Variants in CPPED1 observed in about 807,000 individuals in gnomAD.
CPPED1 encodes calcineurin like phosphoesterase domain containing 1.
In CPPED1, 28 loss-of-function variants were observed where a neutral mutation model predicts 28.0. The observed-to-expected ratio is 1.00, with a 90% CI of 0.74 to 1.37. The LOEUF (loss-of-function observed/expected upper bound fraction) is 1.37. Ranked by LOEUF, CPPED1 falls within the 40% of genes most tolerant of loss-of-function variation. The pLI is 0.00. For missense variants in CPPED1, 504 were observed against 416.5 expected (o/e 1.21, Z -1.83); for synonymous variants, 198 against 180.2 (o/e 1.10, Z -0.79).
rs1206243409 is a variant in CPPED1 at position 12,721,936 on chromosome 16, G to C, written c.290-16887C>G. Reference sequence around the variant, plus strand: ...GTCTAAATAACAGATTCTGTGAATAGACTTCAACTGTGTTATGAATCCATT... The same window carrying C: ...GTCTAAATAACAGATTCTGTGAATACACTTCAACTGTGTTATGAATCCATT... On this transcript the variant is annotated intron_variant, in intron 2 of 3. Coordinates refer to ENST00000381774, the MANE Select transcript of CPPED1 (RefSeq NM_018340.3). 3.3e-5 allele frequency among the ~76,000 whole-genome samples: 5 copies of C among 152,214 alleles called. No homozygotes were observed. In the East Asian group the frequency reaches 9.6e-4, roughly 29 times the overall value.
chr16:12,705,657 G>A (rs887479097), intron 2 of CPPED1, among the ~76,000 whole-genome samples: 2 of 152,164 alleles, frequency 1.3e-5, no homozygotes, highest in Admixed American at 1.3e-4. Context: ...ACTCGGCAGG[G>A]TGAGGCAGGA....
At chr16:12,717,668 T>A (rs2080114686) in intron 2 of CPPED1, among the ~76,000 whole-genome samples, 1 of 151,964 alleles carries the variant, frequency 6.6e-6, no homozygotes, top group Non-Finnish European at 1.5e-5. Context: ...TGAGACAGAG[T>A]CTCGCTCTGT....
intron 1 of CPPED1, among the ~76,000 whole-genome samples, chr16:12,786,261 T>G (rs1385631095): frequency 6.6e-6 from 1 of 152,108 alleles, no homozygotes; most frequent in Admixed American, 6.5e-5. Context: ...GGATCTGCAT[T>G]TTACTGAACC....
intron 2 of CPPED1, among the ~76,000 whole-genome samples, chr16:12,731,429 TG>T (rs2080196909): frequency 6.6e-6 from 1 of 151,420 alleles, no homozygotes; most frequent in Non-Finnish European, 1.5e-5. Context: ...CAGAGACTGC[TG>T]GGGCATGGGT....
chr16:12,702,211 C>T (rs2080024304), intron 3 of CPPED1, among the ~76,000 whole-genome samples: 1 of 151,914 alleles, frequency 6.6e-6, no homozygotes, highest in East Asian at 1.9e-4. Flanking sequence ...TATGATGCCA[C>T]CCTGTAGGGC....
At chr16:12,802,168 G>A (rs527446892) in intron 1 of CPPED1, among the ~76,000 whole-genome samples, 12 of 152,290 alleles carry the variant, frequency 7.9e-5, no homozygotes, top group African/African-American at 2.9e-4. Context: ...AAGGGAGAAA[G>A]GTTTGGAGAG....
rs1481131008 is a variant in CPPED1, at chr16:12,682,027, A to T, written c.716-16912T>A. ...TTAGTTATGCTCCTCCAACCCCCAG[A>T]CTCACTGCCGTTTATTACTTTTTTG... On this transcript the variant is annotated intron_variant, in intron 3 of 3. Transcript: ENST00000381774. This position sits in a 1 kb window ranked among gnomAD's most constrained non-coding sequence, Gnocchi z 6.1. Among the ~76,000 whole-genome samples the T allele has an allele frequency of 6.6e-6, 1 of 151,044 alleles. No homozygotes were observed. The highest frequency in any genetic ancestry group is 1.5e-5 in the Non-Finnish European group (1 of 67,746).
At chr16:12,707,558 A>G (rs1376980972) in intron 2 of CPPED1, among the ~76,000 whole-genome samples, 1 of 152,162 alleles carries the variant, frequency 6.6e-6, no homozygotes, top group Non-Finnish European at 1.5e-5. Flanking sequence ...TTGATTTTCA[A>G]AGTCATTAAG....
intron 3 of CPPED1, among the ~76,000 whole-genome samples, chr16:12,678,080 G>A (rs1176025330): frequency 6.6e-6 from 1 of 152,206 alleles, no homozygotes; most frequent in Non-Finnish European, 1.5e-5. Flanking sequence ...GTAAAGTTCA[G>A]CCAAGAGTTC....
rs1184714422 is a variant in CPPED1, at chr16:12,704,905, G to T, written c.434C>A (p.Thr145Asn). The T allele has an allele frequency of 1.2e-6, 2 of 1,614,148 alleles. No homozygotes were observed. The highest frequency in any genetic ancestry group is 1.1e-5 in the South Asian group (1 of 91,080). Residue 145 changes from threonine (T) to asparagine (N), a missense_variant, in exon 3 of 4, where the codon ACT becomes AAT. Coordinates refer to ENST00000381774, the MANE Select transcript of CPPED1 (RefSeq NM_018340.3). ...GAAGCTGAAGTAGTCATCTCCCCAA[G>T]TCCGGCAGAACTCCTCGACGGTCTC... is the stretch of plus-strand genomic sequence containing the variant. ...TAETVEEFCR[T>N]WGDDYFSFWV...
chr16:12,735,594 G>A (rs1487430236), intron 2 of CPPED1, among the ~76,000 whole-genome samples: 7 of 152,154 alleles, frequency 4.6e-5, no homozygotes, highest in Non-Finnish European at 2.9e-5. Flanking sequence ...ACGAGCCACC[G>A]TGCCTGGCAC....
chr16:12,787,697 A>G (rs2080572635), intron 1 of CPPED1, among the ~76,000 whole-genome samples: 1 of 152,010 alleles, frequency 6.6e-6, no homozygotes, highest in African/African-American at 2.4e-5. Flanking sequence ...GAGCCACCAC[A>G]CCTGGCCAGC....
chr16:12,719,795 C>A (rs151325337), intron 2 of CPPED1, among the ~76,000 whole-genome samples: 1 of 151,834 alleles, frequency 6.6e-6, no homozygotes, highest in Admixed American at 6.6e-5. Flanking sequence ...ATTAGCCGGG[C>A]GTGGTGGCAC....
intron 1 of CPPED1, among the ~76,000 whole-genome samples, chr16:12,802,843 C>G (rs760741210): frequency 6.6e-6 from 1 of 152,172 alleles, no homozygotes; most frequent in African/African-American, 2.4e-5. Flanking sequence ...TGTTGCAGAA[C>G]TGGGCAAGAG....
At chr16:12,744,707 G>C (rs923916986) in intron 2 of CPPED1, among the ~76,000 whole-genome samples, 1 of 152,164 alleles carries the variant, frequency 6.6e-6, no homozygotes, top group Non-Finnish European at 1.5e-5. Context: ...GAAGCCAGGC[G>C]TGGTGACTCA....
intron 2 of CPPED1, among the ~76,000 whole-genome samples, chr16:12,718,166 C>G (rs1275739353): frequency 6.6e-6 from 1 of 152,208 alleles, no homozygotes; most frequent in East Asian, 1.9e-4. Flanking sequence ...ATTATGACTT[C>G]AGGTCCAATC....
chr16:12,793,759 C>A (rs895196292), intron 1 of CPPED1, among the ~76,000 whole-genome samples: 6 of 152,158 alleles, frequency 3.9e-5, no homozygotes, highest in Non-Finnish European at 5.9e-5. Flanking sequence ...TCCCACAGCA[C>A]ATGGTGGGGC....
intron 1 of CPPED1, among the ~76,000 whole-genome samples, chr16:12,787,835 C>A (rs2080573526): frequency 6.6e-6 from 1 of 152,172 alleles, no homozygotes; most frequent in Non-Finnish European, 1.5e-5. Context: ...TATCTTATAG[C>A]CTCTGTGGGA....
intron 3 of CPPED1, among the ~76,000 whole-genome samples, chr16:12,692,589 G>C (rs1230961191): frequency 1.3e-5 from 2 of 152,176 alleles, no homozygotes; most frequent in Non-Finnish European, 2.9e-5. Context: ...TCTAGGACCT[G>C]AATATGTCTG....
Sources: gnomAD v4.1 joint callset for allele counts (sites outside exome capture counted in the v4.1 genomes callset) on GRCh38, gnomAD v4.1.1 for gene constraint, Gnocchi (gnomAD v3.1) non-coding constraint, MANE v1.5 for transcripts, NCBI Gene and HGNC (gene_info 2026-07-23, HGNC 2026-07-21) for gene names.